The following ARHGEF7 variants were observed in gnomAD, a reference collection of about 807,000 sequenced individuals.
ARHGEF7 encodes Rho guanine nucleotide exchange factor 7, also known as PAK-interacting exchange factor beta.
Under a neutral mutation model 109.8 loss-of-function variants are expected in ARHGEF7, and 33 were observed. The observed-to-expected ratio is 0.30, with a 90% CI of 0.23 to 0.40. The LOEUF (loss-of-function observed/expected upper bound fraction) is 0.40. ARHGEF7 is among the 10% of genes least tolerant of loss of function. The probability of loss-of-function intolerance (pLI) is 1.00; values close to 1 mark genes in which losing one functional copy is unlikely to be tolerated. For missense variants in ARHGEF7, 938 were observed against 1,098.5 expected (o/e 0.85, Z 2.07); for synonymous variants, 458 against 424.6 (o/e 1.08, Z -0.97).
chr13:111,204,022 A>G (rs896417680), intron 2 of ARHGEF7, among the ~76,000 whole-genome samples: 2 of 152,206 alleles, frequency 1.3e-5, no homozygotes, highest in African/African-American at 4.8e-5. Context: ...AGGCCTGTAG[A>G]CATCCACCAT....
chr13:111,286,948 C>T (rs2093044578), intron 17 of ARHGEF7, among the ~76,000 whole-genome samples: 1 of 152,180 alleles, frequency 6.6e-6, no homozygotes, highest in African/African-American at 2.4e-5. Flanking sequence ...CAGGGCTCTG[C>T]CCTGCCCCGC....
intron 8 of ARHGEF7, among the ~76,000 whole-genome samples, chr13:111,247,189 C>T (rs941670161): frequency 2.0e-5 from 3 of 151,760 alleles, no homozygotes; most frequent in South Asian, 2.1e-4. Context: ...GACTTACTTT[C>T]GTCTTTTTGT....
rs1317398659 is a variant in ARHGEF7 at position 111,115,596 on chromosome 13, A to G, written c.70A>G (p.Ile24Val). Residue 24 changes from isoleucine (I) to valine (V), a missense_variant, in exon 1 of 22, where the codon ATC becomes GTC. By Grantham distance (29) the Ile-to-Val change is conservative. Coordinates refer to ENST00000646102, the MANE Select transcript of ARHGEF7 (RefSeq NM_001354046.2). ...LGVLESPKKTISDPEGFLQAS... is the reference protein window; with the variant it reads ...LGVLESPKKTVSDPEGFLQAS... ...GGTGCTGGAGTCGCCCAAAAAAACC[A>G]TCTCGGACCCGGAGGGCTTTCTGCA... 7.0e-7 allele frequency: 1 copy of G among 1,421,648 alleles called. No individual in the cohort carries two copies. Among genetic ancestry groups the G allele is most frequent in the Middle Eastern group, 1.9e-4 (1 of 5,220 alleles). 88.1% of individuals were successfully genotyped at this position (1,421,648 alleles called of 1,614,324 possible).
chr13:111,137,536 A>G (rs1479808772), intron 1 of ARHGEF7, among the ~76,000 whole-genome samples: 3 of 152,240 alleles, frequency 2.0e-5, no homozygotes, highest in Non-Finnish European at 4.4e-5. Flanking sequence ...AAGACAGAGC[A>G]GACCCCGAGT....
At chr13:111,161,088 A>T (rs1457880093) in intron 2 of ARHGEF7, among the ~76,000 whole-genome samples, 3 of 150,804 alleles carry the variant, frequency 2.0e-5, no homozygotes, top group Non-Finnish European at 4.5e-5. Context: ...TGAGATGCTC[A>T]ACTGATAACT....
chr13:111,128,715 G>A (rs1313287249), intron 1 of ARHGEF7, among the ~76,000 whole-genome samples: 1 of 152,196 alleles, frequency 6.6e-6, no homozygotes, highest in Admixed American at 6.5e-5. Flanking sequence ...TACACTCTCA[G>A]CAACATATAT....
chr13:111,220,302 G>C (rs2083662905), intron 5 of ARHGEF7, among the ~76,000 whole-genome samples: 1 of 152,224 alleles, frequency 6.6e-6, no homozygotes, highest in Admixed American at 6.5e-5. Context: ...TAAGTGGGAC[G>C]CACCTTTGGA....
intron 2 of ARHGEF7, chr13:111,158,952 A>G (rs1183688894): frequency 1.4e-6 from 1 of 714,066 alleles, no homozygotes; most frequent in Non-Finnish European, 2.6e-6. Flanking sequence ...TGTACAATAG[A>G]TCACTAAAAT....
At chr13:111,198,431 T>C (rs2080822942) in intron 2 of ARHGEF7, among the ~76,000 whole-genome samples, 1 of 152,130 alleles carries the variant, frequency 6.6e-6, no homozygotes, top group Non-Finnish European at 1.5e-5. Context: ...TTAAAGATGG[T>C]GTGTCCGGAG....
At chr13:111,115,160 C>A (rs928718849), upstream of ARHGEF7, 4 of 147,338 alleles carry the variant, frequency 2.7e-5, no homozygotes. Context: ...CCGCCGCCGC[C>A]GCCCCGCGCA....
At chr13:111,248,648 C>T (rs902281518) in intron 8 of ARHGEF7, among the ~76,000 whole-genome samples, 2 of 152,158 alleles carry the variant, frequency 1.3e-5, no homozygotes, top group Non-Finnish European at 2.9e-5. Context: ...CCCCGTGCAA[C>T]AAGTTTTTAG....
At chr13:111,211,141 T>C (rs1205067779) in intron 4 of ARHGEF7, among the ~76,000 whole-genome samples, 1 of 152,150 alleles carries the variant, frequency 6.6e-6, no homozygotes, top group Non-Finnish European at 1.5e-5. Flanking sequence ...ATGGCCTGAG[T>C]GCTGCAGTCC....
rs1196209912 is a variant in ARHGEF7, at chr13:111,239,717, G to A, written c.760-4155G>A. ...GGGATCCCCTCTTTTCCTGGGCGGC[G>A]AGGTGCCTGCTGGCTTCTTTCACAC... On this transcript the variant is annotated intron_variant, in intron 6 of 21. Transcript: ENST00000646102. This position sits in a 1 kb window ranked among gnomAD's most constrained non-coding sequence, Gnocchi z 4.3. Among the ~76,000 whole-genome samples, 1 of 152,058 alleles carries A rather than the reference G, an allele frequency of 6.6e-6. No individual in the cohort carries two copies. Among genetic ancestry groups the A allele is most frequent in the African/African-American group, 2.4e-5 (1 of 41,376 alleles).
chr13:111,199,232 C>T (rs1318493575), intron 2 of ARHGEF7, among the ~76,000 whole-genome samples: 1 of 152,224 alleles, frequency 6.6e-6, no homozygotes, highest in Non-Finnish European at 1.5e-5. Context: ...TGAATGAAAG[C>T]AGCCATACTG....
chr13:111,249,782 G>A (rs1190396748), intron 8 of ARHGEF7, among the ~76,000 whole-genome samples: 1 of 152,140 alleles, frequency 6.6e-6, no homozygotes, highest in African/African-American at 2.4e-5. Context: ...AAGGCCATCT[G>A]GGGAGCTATG....
rs1410657629 is a variant in ARHGEF7 at position 111,206,894 on chromosome 13, G to A, written c.337+1521G>A. Among the ~76,000 whole-genome samples the A allele has an allele frequency of 5.3e-5, 8 of 149,846 alleles. No individual in the cohort carries two copies. In the East Asian group the frequency reaches 5.9e-4, roughly 11 times the overall value. On this transcript the variant is annotated intron_variant, in intron 3 of 21. Transcript: ENST00000646102. ...GGAGAATGGCGTGAACCCGGGAGGC[G>A]GAGCTTGCAGTGAGCCGAGATCGCG...
At chr13:111,200,208 C>T (rs2081057151) in intron 2 of ARHGEF7, among the ~76,000 whole-genome samples, 1 of 152,244 alleles carries the variant, frequency 6.6e-6, no homozygotes, top group Non-Finnish European at 1.5e-5. Context: ...GCCCAGTGCC[C>T]TCCCTGCTGC....
At chr13:111,240,977 C>T (rs988274535) in intron 6 of ARHGEF7, among the ~76,000 whole-genome samples, 4 of 152,070 alleles carry the variant, frequency 2.6e-5, no homozygotes, top group Non-Finnish European at 5.9e-5. Context: ...ATCAGAAATG[C>T]TAAGTACTCC....
At chr13:111,171,319 A>T (rs1165180440) in intron 2 of ARHGEF7, among the ~76,000 whole-genome samples, 1 of 152,250 alleles carries the variant, frequency 6.6e-6, no homozygotes, top group African/African-American at 2.4e-5. Context: ...GTTGTAGCCA[A>T]GCCTAGCTTG....
Sources: gnomAD v4.1 joint callset for allele counts (sites outside exome capture counted in the v4.1 genomes callset) on GRCh38, gnomAD v4.1.1 for gene constraint, Gnocchi (gnomAD v3.1) non-coding constraint, MANE v1.5 for transcripts, NCBI Gene and HGNC (gene_info 2026-07-23, HGNC 2026-07-21) for gene names.